ESR1: variants seen among roughly 807,000 people sequenced by gnomAD.
ESR1 encodes estrogen receptor 1.
A neutral mutation model predicts 52.7 loss-of-function variants in ESR1; 12 were observed. The ratio of observed to expected loss-of-function variants is 0.23; its 90% CI spans 0.15 to 0.37. ESR1 has a LOEUF of 0.37. Among genes scored for constraint, ESR1 ranks in the 10% least tolerant of loss-of-function variants. ESR1 has a pLI of 1.00. For synonymous variants in ESR1, 305 were observed against 316.8 expected (o/e 0.96, Z 0.39); for missense variants, 584 against 779.7 (o/e 0.75, Z 2.99).
chr6:151,910,190 T>A (rs112085628), intron 3 of ESR1, among the ~76,000 whole-genome samples: 7 of 151,890 alleles, frequency 4.6e-5, no homozygotes, highest in African/African-American at 1.7e-4. Context: ...AGGTGGCTAT[T>A]GAGCACTTGA....
At chr6:151,951,249 T>A (rs535587835) in intron 4 of ESR1, among the ~76,000 whole-genome samples, 111 of 152,182 alleles carry the variant, frequency 7.3e-4, no homozygotes, top group Middle Eastern at 3.4e-3. Context: ...TCCAATGTCG[T>A]TTTCCTACAG....
At chr6:152,008,621 G>GGTTACAT (rs1278338985) in intron 4 of ESR1, among the ~76,000 whole-genome samples, 3 of 151,972 alleles carry the variant, frequency 2.0e-5, no homozygotes, top group Non-Finnish European at 4.4e-5. Flanking sequence ...CATATTGATC[G>GGTTACAT]GTTACATGGT....
chr6:151,824,282 G>A (rs1487933121), intron 1 of ESR1, among the ~76,000 whole-genome samples: 1 of 152,184 alleles, frequency 6.6e-6, no homozygotes, highest in Non-Finnish European at 1.5e-5. Context: ...TTTCAGAAGT[G>A]TCTGTTCATA....
intron 2 of ESR1, among the ~76,000 whole-genome samples, chr6:151,867,764 A>C (rs1790209449): frequency 6.6e-6 from 1 of 152,188 alleles, no homozygotes; most frequent in Admixed American, 6.5e-5. Flanking sequence ...ACCTACAATT[A>C]GTAGTTATTT....
At chr6:152,118,196 C>A (rs1341670200) in intron 6 of ESR1, 1 of 152,132 alleles carries the variant, frequency 6.6e-6, no homozygotes, top group African/African-American at 2.4e-5. Flanking sequence ...CCTTTCCTCC[C>A]CTAAATTAGA....
chr6:151,902,550 G>A (rs1287523154), intron 3 of ESR1, among the ~76,000 whole-genome samples: 3 of 152,178 alleles, frequency 2.0e-5, no homozygotes, highest in Non-Finnish European at 2.9e-5. Flanking sequence ...CATGTATTAT[G>A]TAGCATTGTG....
intron 4 of ESR1, among the ~76,000 whole-genome samples, chr6:152,008,717 G>A (rs1237189811): frequency 1.3e-5 from 2 of 151,560 alleles, no homozygotes; most frequent in African/African-American, 4.8e-5. Flanking sequence ...TAGATAATCC[G>A]AGGTAGGTTT....
At chr6:152,003,034 C>T (rs1158751475) in intron 4 of ESR1, among the ~76,000 whole-genome samples, 1 of 151,870 alleles carries the variant, frequency 6.6e-6, no homozygotes, top group African/African-American at 2.4e-5. Flanking sequence ...CTCTTAAATC[C>T]ATCAGCTTCT....
chr6:151,978,372 T>C (rs1220118620), intron 4 of ESR1, among the ~76,000 whole-genome samples: 1 of 152,004 alleles, frequency 6.6e-6, no homozygotes, highest in Non-Finnish European at 1.5e-5. Context: ...TTAGGAGACA[T>C]GGAGAACAGT....
rs114618807 is a variant in ESR1 at position 152,067,890 on chromosome 6, G to A, written c.1369+6766G>A. Among the ~76,000 whole-genome samples the A allele has an allele frequency of 7.9e-3, 1,204 of 152,304 alleles. 12 individuals are homozygous for A. The highest frequency in any genetic ancestry group is 0.028 in the African/African-American group (1,165 of 41,574). ...GATTCCCGCAGTGCTGACTTAAAAT[G>A]TTCTTAGTATGCCAATGTTGCTTAA... On this transcript the variant is annotated intron_variant, in intron 6 of 7. Coordinates refer to ENST00000206249, the MANE Select transcript of ESR1 (RefSeq NM_000125.4).
chr6:151,816,476 A>G (rs1157673638), intron 1 of ESR1, among the ~76,000 whole-genome samples: 1 of 152,226 alleles, frequency 6.6e-6, no homozygotes, highest in Non-Finnish European at 1.5e-5. Context: ...GGCTTATAAC[A>G]TTCCTGGCAC....
intron 2 of ESR1, among the ~76,000 whole-genome samples, chr6:151,715,979 CCTTT>C (rs1397694705): frequency 6.6e-6 from 1 of 152,152 alleles, no homozygotes; most frequent in Non-Finnish European, 1.5e-5. Context: ...GATTTATCTA[CCTTT>C]GGTCTTTGAT....
intron 5 of ESR1, among the ~76,000 whole-genome samples, chr6:152,045,244 G>A (rs919929236): frequency 2.0e-5 from 3 of 152,182 alleles, no homozygotes; most frequent in Non-Finnish European, 4.4e-5. Flanking sequence ...TTTAATTGAC[G>A]AACCTGGTAC....
intron 4 of ESR1, among the ~76,000 whole-genome samples, chr6:151,998,862 AT>A (rs1260600649): frequency 6.6e-6 from 1 of 152,050 alleles, no homozygotes; most frequent in Non-Finnish European, 1.5e-5. Flanking sequence ...CATTGGAATG[AT>A]TTGGTTTTTG....
intron 4 of ESR1, among the ~76,000 whole-genome samples, chr6:151,989,574 C>T (rs1019579741): frequency 6.6e-6 from 1 of 152,034 alleles, no homozygotes; most frequent in Non-Finnish European, 1.5e-5. Context: ...CAGATTTGGT[C>T]ACTAATATTT....
At chr6:151,789,809 A>G (rs543648) in intron 2 of ESR1, among the ~76,000 whole-genome samples, 97,575 of 151,470 alleles carry the variant, frequency 0.64, 31,842 homozygotes, top group African/African-American at 0.76. Context: ...CCTGCAGTGT[A>G]ATGGAGGAAG....
intron 3 of ESR1, among the ~76,000 whole-genome samples, chr6:151,943,207 C>T (rs1342924689): frequency 2.0e-5 from 3 of 151,852 alleles, no homozygotes; most frequent in African/African-American, 7.3e-5. Context: ...GGCGAAACCC[C>T]GTCTCTACTA....
chr6:152,053,922 C>T lies in ESR1; in HGVS notation c.1236-7069C>T, dbSNP rs1585025298. ...GAAAATATATGTATAGGAATAATTGCACATTGTTTGTTGTAGCTGAAAATT... is the reference window on the plus strand; with the variant it reads ...GAAAATATATGTATAGGAATAATTGTACATTGTTTGTTGTAGCTGAAAATT... On this transcript the variant is annotated intron_variant, in intron 5 of 7. Transcript: ENST00000206249. This position sits in a 1 kb window ranked among gnomAD's most constrained non-coding sequence, Gnocchi z 4.1. Among the ~76,000 whole-genome samples, 2 of 152,152 alleles carry T rather than the reference C, an allele frequency of 1.3e-5. No homozygotes were observed. Among genetic ancestry groups the T allele is most frequent in the Middle Eastern group, 6.8e-3 (2 of 294 alleles).
chr6:151,957,499 C>A (rs918136299), intron 4 of ESR1, among the ~76,000 whole-genome samples: 1 of 149,436 alleles, frequency 6.7e-6, no homozygotes. Flanking sequence ...AATCTTATTA[C>A]CACTAACCAA....
Sources: allele counts gnomAD v4.1 joint callset (sites outside exome capture counted in the v4.1 genomes callset), GRCh38; gene constraint gnomAD v4.1.1; non-coding constraint Gnocchi (gnomAD v3.1); transcripts MANE v1.5; gene names NCBI Gene and HGNC (gene_info 2026-07-23, HGNC 2026-07-21).